CTAGE9: variants seen among roughly 807,000 people sequenced by gnomAD.
CTAGE9 encodes the protein CTAGE family member 9, also known as cutaneous T-cell lymphoma-associated antigen 9.
For synonymous variants in CTAGE9, 107 were observed against 315.9 expected (o/e 0.34, Z 7.01); for missense variants, 248 against 884.0 (o/e 0.28, Z 9.12).
chr6:131,710,089 G>C lies in CTAGE9; in HGVS notation c.929C>G (p.Pro310Arg), dbSNP rs778389694. 6.2e-7 allele frequency: 1 copy of C among 1,613,724 alleles called. No individual in the cohort carries two copies. Among genetic ancestry groups the C allele is most frequent in the African/African-American group, 1.3e-5 (1 of 74,902 alleles). The change falls in exon 1 of 1, where the codon CCT becomes CGT. Residue 310 changes from proline to arginine, a missense_variant. Pro to Arg is a moderately radical substitution (Grantham distance 103). Transcript: ENST00000314099. Reference protein sequence around the residue: ...QWENGANLDDPPKGALKKLIH... With the variant: ...QWENGANLDDRPKGALKKLIH... Reference sequence around the variant, plus strand: ...CAGTTTCTTCAAAGCTCCTTTCGGAGGATCATCTAAGTTAGCACCATTTTC... The same window carrying C: ...CAGTTTCTTCAAAGCTCCTTTCGGACGATCATCTAAGTTAGCACCATTTTC...
chr6:131,709,789 A>G lies in CTAGE9; in HGVS notation c.1229T>C (p.Ile410Thr). The G allele has an allele frequency of 6.2e-7, 1 of 1,613,360 alleles. No individual in the cohort carries two copies. The highest frequency in any genetic ancestry group is 8.5e-7 in the Non-Finnish European group (1 of 1,179,840). ...TCTAGAAAGCTTCTCTTCTTCCTCT[A>G]TTCGGTAATTTTCCTCCACTGTTAA... is the stretch of plus-strand genomic sequence containing the variant. ...RKLTVEENYR[I>T]EEEEKLSRVE... Residue 410 changes from isoleucine to threonine, a missense_variant, in exon 1 of 1, where the codon ATA becomes ACA. Ile to Thr is a moderately conservative substitution (Grantham distance 89). Transcript: ENST00000314099.
In CTAGE9 at chr6:131,710,121, A is replaced by G; in HGVS notation, c.897T>C (p.Ser299=). Residue 299 remains serine, a synonymous_variant, in exon 1 of 1, where the codon AGT becomes AGC. Coordinates refer to ENST00000314099, the MANE Select transcript of CTAGE9 (RefSeq NM_001145659.1). The part of the protein sequence containing the change: ...DDDNLELKVN[S]QWENGANLDD... The stretch of plus-strand genomic sequence containing the variant: ...CTAAGTTAGCACCATTTTCCCATTG[A>G]CTGTTCACTTTTAATTCCAGGTTAT... The G allele has an allele frequency of 6.2e-7, 1 of 1,613,936 alleles. No individual in the cohort carries two copies. The highest frequency in any genetic ancestry group is 1.3e-5 in the African/African-American group (1 of 75,014).
At position 131,710,069 on chromosome 6, in the gene CTAGE9, T is replaced by C. The variant is rs759184864; in HGVS notation, c.949A>G (p.Lys317Glu). ...TTTAACTTAGCAGCATGAATCAGTT[T>C]CTTCAAAGCTCCTTTCGGAGGATCA... ...LDDPPKGALK[K>E]LIHAAKLNVS... is the part of the protein sequence containing the mutation. Residue 317 changes from lysine to glutamate, a missense_variant, in exon 1 of 1, where the codon AAA (lysine) becomes GAA (glutamate). Coordinates refer to ENST00000314099, the MANE Select transcript of CTAGE9 (RefSeq NM_001145659.1). 3 of 1,613,474 alleles carry C rather than the reference T, an allele frequency of 1.9e-6. No individual in the cohort carries two copies. The highest frequency in any genetic ancestry group is 2.2e-5 in the South Asian group (2 of 91,042).
chr6:131,708,462 T>C lies in CTAGE9; in HGVS notation c.*222A>G, dbSNP rs1292656405. Among the ~76,000 whole-genome samples the C allele has an allele frequency of 1.3e-5, 2 of 152,258 alleles. No homozygotes were observed. Among genetic ancestry groups the C allele is most frequent in the Non-Finnish European group, 2.9e-5 (2 of 68,034 alleles). On this transcript the variant is annotated 3_prime_UTR_variant, in exon 1 of 1. Transcript: ENST00000314099. ...AAGATTCATATTCAAACCATCTTTA[T>C]TTACAAAATACTATCCTGAGAACTA...
rs77624986 is a variant in CTAGE9, at chr6:131,708,917, T to C, written c.2101A>G (p.Ile701Val). The change falls in exon 1 of 1, where the codon ATC (isoleucine) becomes GTC (valine). Residue 701 changes from isoleucine to valine, a missense_variant. Coordinates refer to ENST00000314099, the MANE Select transcript of CTAGE9 (RefSeq NM_001145659.1). The part of the protein sequence containing the change: ...PGLIPPPLAP[I>V]SGPLFPVDTR... ...TCCACTGGAAACAATGGACCGCTGA[T>C]TGGAGCAAGAGGTGGAGGAATAAGG... The C allele has an allele frequency of 5.3e-4, 854 of 1,605,820 alleles. 10 individuals carry two copies. The highest frequency in any genetic ancestry group is 1.0e-3 in the Middle Eastern group (6 of 6,026).
chr6:131,709,752 CT>C lies in CTAGE9; in HGVS notation c.1265del (p.Lys422ArgfsTer15). The part of the protein sequence containing the change: ...EEEKLSRVEE[K>X]ISHATEELET... ...CCAGCTCTTCAGTGGCATGGCTGAT[CT>C]TTTCTTCCACTCTAGAAAGCTTCTC... On this transcript the variant is annotated frameshift_variant, in exon 1 of 1. Coordinates refer to ENST00000314099, the MANE Select transcript of CTAGE9 (RefSeq NM_001145659.1). LOFTEE classifies it low-confidence loss of function (END_TRUNC). 1 of 1,613,980 alleles carries C rather than the reference CT, an allele frequency of 6.2e-7. No homozygotes were observed. Among genetic ancestry groups the C allele is most frequent in the Non-Finnish European group, 8.5e-7 (1 of 1,179,924 alleles).
chr6:131,711,012 C>T lies in CTAGE9; in HGVS notation c.6G>A (p.Glu2=), dbSNP rs903151815. 2 of 1,592,186 alleles carry T rather than the reference C, an allele frequency of 1.3e-6. No individual in the cohort carries two copies. The highest frequency in any genetic ancestry group is 1.7e-6 in the Non-Finnish European group (2 of 1,177,760). The part of the protein sequence containing the change: M[E]EPGATPQPYL... ...AGGGCTGAGGGGTAGCACCAGGCTCCTCCATAGCGTCGAGGCTGCTCTGGC... is the reference window on the plus strand; with the variant it reads ...AGGGCTGAGGGGTAGCACCAGGCTCTTCCATAGCGTCGAGGCTGCTCTGGC... The change falls in exon 1 of 1, where the codon GAG becomes GAA. Residue 2 remains glutamate, a synonymous_variant. Transcript: ENST00000314099.
In CTAGE9 at chr6:131,710,072, T is replaced by C; in HGVS notation, c.946A>G (p.Lys316Glu). Reference sequence around the variant, plus strand: ...AACTTAGCAGCATGAATCAGTTTCTTCAAAGCTCCTTTCGGAGGATCATCT... The same window carrying C: ...AACTTAGCAGCATGAATCAGTTTCTCCAAAGCTCCTTTCGGAGGATCATCT... ...NLDDPPKGAL[K>E]KLIHAAKLNV... The change falls in exon 1 of 1, where the codon AAG becomes GAG. Residue 316 changes from lysine to glutamate, a missense_variant. By Grantham distance (56) the Lys-to-Glu change is moderately conservative. Coordinates refer to ENST00000314099, the MANE Select transcript of CTAGE9 (RefSeq NM_001145659.1). 6.2e-7 allele frequency: 1 copy of C among 1,613,550 alleles called. No homozygotes were observed. The highest frequency in any genetic ancestry group is 1.3e-5 in the African/African-American group (1 of 75,034).
At position 131,709,809 on chromosome 6, in the gene CTAGE9, T is replaced by G. The variant is rs1166989314; in HGVS notation, c.1209A>C (p.Thr403=). Residue 403 remains threonine, a synonymous_variant, in exon 1 of 1, where the codon ACA becomes ACC. Transcript: ENST00000314099. The part of the protein sequence containing the change: ...ENEMKLYRKL[T]VEENYRIEEE... ...CCTCTATTCGGTAATTTTCCTCCAC[T>G]GTTAATTTCCTGTAGAGTTTCATTT... 2 of 1,611,996 alleles carry G rather than the reference T, an allele frequency of 1.2e-6. No individual in the cohort carries two copies. The highest frequency in any genetic ancestry group is 1.7e-6 in the Non-Finnish European group (2 of 1,179,572).
rs763326066 is a variant in CTAGE9 at position 131,709,503 on chromosome 6, A to C, written c.1515T>G (p.Asn505Lys). Residue 505 changes from asparagine (N) to lysine (K), a missense_variant, in exon 1 of 1, where the codon AAT becomes AAG. Asn to Lys is a moderately conservative substitution (Grantham distance 94, BLOSUM62 0). Transcript: ENST00000314099. The part of the protein sequence containing the change: ...LKFELLEKDP[N>K]ALDVSNTAFG... ...ATGCTGTATTTGAAACATCGAGTGC[A>C]TTAGGATCTTTTTCTAAAAGTTCAA... is the stretch of plus-strand genomic sequence containing the variant. The C allele has an allele frequency of 3.1e-6, 5 of 1,613,606 alleles. No homozygotes were observed. The highest frequency in any genetic ancestry group is 4.2e-6 in the Non-Finnish European group (5 of 1,179,866).
Position 131,710,922 on chromosome 6 carries a change from T to G in CTAGE9, c.96A>C (p.Pro32=). ...VVAALPESMR[P]DENPYGFPSE... is the part of the protein sequence containing the mutation. ...ATGGAAAACCATAAGGATTCTCATC[T>G]GGTCTCATACTCTCAGGTAGTGCTG... is the stretch of plus-strand genomic sequence containing the variant. The change falls in exon 1 of 1, where the codon CCA becomes CCC. Residue 32 remains proline (P), a synonymous_variant. Coordinates refer to ENST00000314099, the MANE Select transcript of CTAGE9 (RefSeq NM_001145659.1). The G allele has an allele frequency of 6.3e-7, 1 of 1,593,886 alleles. No homozygotes were observed. The highest frequency in any genetic ancestry group is 1.1e-5 in the South Asian group (1 of 90,600).
Position 131,709,632 on chromosome 6 carries a change from T to C in CTAGE9, c.1386A>G (p.Gly462=). ...TCCGAGCTGCCAACCAATTATCATGTCCTCTTTTCTCGTAGGAAATAACCT... is the reference window on the plus strand; with the variant it reads ...TCCGAGCTGCCAACCAATTATCATGCCCTCTTTTCTCGTAGGAAATAACCT... ...QKQVISYEKR[G]HDNWLAARTA... The change falls in exon 1 of 1, where the codon GGA becomes GGG. Residue 462 remains glycine (G), a synonymous_variant. Transcript: ENST00000314099. 1.2e-6 allele frequency: 2 copies of C among 1,611,650 alleles called. No individual in the cohort carries two copies. Among genetic ancestry groups the C allele is most frequent in the Non-Finnish European group, 1.7e-6 (2 of 1,178,688 alleles).
In CTAGE9 at chr6:131,709,461, G is replaced by C. The variant is rs1380826042; in HGVS notation, c.1557C>G (p.Ser519=). The change falls in exon 1 of 1, where the codon TCC becomes TCG. Residue 519 remains serine, a synonymous_variant. Coordinates refer to ENST00000314099, the MANE Select transcript of CTAGE9 (RefSeq NM_001145659.1). ...VSNTAFGREH[S]PCSPSPLGRP... is the part of the protein sequence containing the mutation. ...GACCCAATGGTGAGGGACTACATGG[G>C]GAATGCTCTCTGCCAAATGCTGTAT... 1.9e-6 allele frequency: 3 copies of C among 1,604,232 alleles called. No individual in the cohort carries two copies. In the African/African-American group the frequency reaches 4.1e-5, roughly 22 times the overall value.
Position 131,708,651 on chromosome 6 carries a change from G to A in CTAGE9, c.*33C>T, listed in dbSNP as rs201443377. On this transcript the variant is annotated 3_prime_UTR_variant, in exon 1 of 1. Transcript: ENST00000314099. ...TCCAGTAGCAGGCTCCTTTGAAGGC[G>A]GAATCAATCCTGAAGGGAACTCGCT... The A allele has an allele frequency of 6.4e-3, 10,083 of 1,586,794 alleles. 60 individuals carry two copies. The highest frequency in any genetic ancestry group is 0.012 in the Middle Eastern group (70 of 5,828).
Sources: gnomAD v4.1 joint callset for allele counts (sites outside exome capture counted in the v4.1 genomes callset) on GRCh38, gnomAD v4.1.1 for gene constraint, MANE v1.5 for transcripts, NCBI Gene and HGNC (gene_info 2026-07-23, HGNC 2026-07-21) for gene names.